The following PRORP variants were observed in gnomAD, a reference collection of about 807,000 sequenced individuals.
The protein encoded by PRORP is mitochondrial ribonuclease P catalytic subunit.
A neutral mutation model predicts 59.4 loss-of-function variants in PRORP; 51 were observed. The ratio of observed to expected loss-of-function variants is 0.86; its 90% confidence interval spans 0.69 to 1.08. The LOEUF (loss-of-function observed/expected upper bound fraction) is 1.08. PRORP is among the 50% of genes least tolerant of loss of function. The pLI, the probability that PRORP is intolerant of heterozygous loss-of-function variation, is 0.00. For synonymous variants in PRORP, 231 were observed against 245.6 expected, an observed-to-expected ratio of 0.94 and a Z score of 0.55; for missense variants, 646 against 690.3, an observed-to-expected ratio of 0.94 and a Z score of 0.72.
chr14:35,163,248 T>C (rs1333597273), intron 4 of PRORP, among the ~76,000 whole-genome samples: 2 of 152,146 alleles, frequency 1.3e-5, no homozygotes, highest in Non-Finnish European at 2.9e-5. Flanking sequence ...ATATACATTT[T>C]ATGTAATAAT....
At chr14:35,147,771 A>T (rs1279897653) in intron 4 of PRORP, among the ~76,000 whole-genome samples, 2 of 152,352 alleles carry the variant, frequency 1.3e-5, no homozygotes, top group East Asian at 1.9e-4. Context: ...TCAAAATTGG[A>T]GTCAATCCTC....
At chr14:35,127,174 G>A (rs950548480) in intron 3 of PRORP, among the ~76,000 whole-genome samples, 1 of 151,900 alleles carries the variant, frequency 6.6e-6, no homozygotes, top group Non-Finnish European at 1.5e-5. Flanking sequence ...GGCAGATCAC[G>A]AGGTCAGGAG....
chr14:35,123,412 C>A lies in PRORP; in HGVS notation c.167C>A (p.Thr56Asn). The change falls in exon 2 of 8, where the codon ACC becomes AAC. Residue 56 changes from threonine to asparagine, a missense_variant. Coordinates refer to ENST00000534898, the MANE Select transcript of PRORP (RefSeq NM_014672.4). ...FSLKTMSPQNTKATNLIAKAR... is the reference protein window; with the variant it reads ...FSLKTMSPQNNKATNLIAKAR... ...CTTAAAACAATGTCTCCACAGAATA[C>A]CAAAGCAACGAATCTGATTGCCAAG... 1 of 1,614,150 alleles carries A rather than the reference C, an allele frequency of 6.2e-7. No individual in the cohort carries two copies. Among genetic ancestry groups the A allele is most frequent in the Non-Finnish European group, 8.5e-7 (1 of 1,180,016 alleles).
At chr14:35,129,728 C>T (rs1383192660) in intron 4 of PRORP, among the ~76,000 whole-genome samples, 1 of 151,860 alleles carries the variant, frequency 6.6e-6, no homozygotes. Flanking sequence ...ATCTGCCTTC[C>T]TCAGCCTCCC....
At chr14:35,251,844 G>A (rs986734376) in intron 5 of PRORP, among the ~76,000 whole-genome samples, 7 of 151,700 alleles carry the variant, frequency 4.6e-5, no homozygotes, top group African/African-American at 1.5e-4. Context: ...ATGAGCCACC[G>A]CGCCTGGCTG....
intron 4 of PRORP, among the ~76,000 whole-genome samples, chr14:35,128,394 G>C (rs887285603): frequency 1.3e-5 from 2 of 149,552 alleles, no homozygotes; most frequent in Non-Finnish European, 3.0e-5. Flanking sequence ...TCTATTTTTT[G>C]GAATAGTTTG....
In PRORP at chr14:35,127,616, G is replaced by A. The variant is rs1416801167; in HGVS notation, c.1167+5G>A. The stretch of plus-strand genomic sequence containing the variant: ...TACAGAAAGACAACACCTCAGGTGA[G>A]TCTAACAAGTTTTATTTCTTCTTGG... On this transcript the variant is annotated splice_donor_5th_base_variant and intron_variant, in intron 4 of 7. Coordinates refer to ENST00000534898, the MANE Select transcript of PRORP (RefSeq NM_014672.4). 1 of 1,613,664 alleles carries A rather than the reference G, an allele frequency of 6.2e-7. No individual in the cohort carries two copies. Among genetic ancestry groups the A allele is most frequent in the South Asian group, 1.1e-5 (1 of 90,972 alleles).
At chr14:35,231,826 C>T (rs913838799) in intron 5 of PRORP, among the ~76,000 whole-genome samples, 7 of 152,124 alleles carry the variant, frequency 4.6e-5, no homozygotes, top group Non-Finnish European at 8.8e-5. Context: ...TAGGTTTATT[C>T]AATCTAAGGA....
At chr14:35,251,101 T>G (rs370350685) in intron 5 of PRORP, among the ~76,000 whole-genome samples, 1 of 152,242 alleles carries the variant, frequency 6.6e-6, no homozygotes, top group Non-Finnish European at 1.5e-5. Flanking sequence ...CTCCCACTTA[T>G]GAGTGAGAAC....
chr14:35,260,857 C>T (rs1419300121), intron 5 of PRORP, among the ~76,000 whole-genome samples: 2 of 152,176 alleles, frequency 1.3e-5, no homozygotes, highest in African/African-American at 4.8e-5. Context: ...TCTGAGTGCA[C>T]TCAATAAAGA....
intron 5 of PRORP, among the ~76,000 whole-genome samples, chr14:35,241,148 C>CG (rs974915592): frequency 2.0e-5 from 3 of 152,066 alleles, no homozygotes; most frequent in Admixed American, 6.6e-5. Context: ...GAGGCCAAGG[C>CG]GGGAGCATCA....
intron 5 of PRORP, chr14:35,235,267 G>A (rs1183009731): frequency 2.9e-6 from 2 of 697,978 alleles, no homozygotes; most frequent in South Asian, 1.4e-5. Context: ...TGCCTCCCTA[G>A]TGATGGCGGA....
At chr14:35,125,009 C>A (rs555507188) in intron 2 of PRORP, among the ~76,000 whole-genome samples, 2 of 151,434 alleles carry the variant, frequency 1.3e-5, no homozygotes, top group Non-Finnish European at 2.9e-5. Context: ...TACAGGCATG[C>A]GCCACCATGC....
chr14:35,150,107 A>G (rs1038275149), intron 4 of PRORP, among the ~76,000 whole-genome samples: 25 of 152,126 alleles, frequency 1.6e-4, no homozygotes, highest in African/African-American at 5.6e-4. Flanking sequence ...CGGCCTCCCA[A>G]AATGTTGGGA....
intron 5 of PRORP, among the ~76,000 whole-genome samples, chr14:35,213,290 G>C (rs2049497817): frequency 6.6e-6 from 1 of 152,004 alleles, no homozygotes; most frequent in African/African-American, 2.4e-5. Context: ...ACTTTTCCTG[G>C]TTGGGCACGG....
chr14:35,174,316 C>T (rs990607677), intron 4 of PRORP, among the ~76,000 whole-genome samples: 16 of 152,034 alleles, frequency 1.1e-4, no homozygotes, highest in African/African-American at 3.9e-4. Context: ...ATATTATTAT[C>T]TAGTAGTCCA....
intron 5 of PRORP, among the ~76,000 whole-genome samples, chr14:35,230,888 T>C (rs1402116908): frequency 1.1e-4 from 17 of 149,736 alleles, no homozygotes; most frequent in Non-Finnish European, 1.5e-4. Context: ...AAGATACTAC[T>C]GAGAAATGTT....
At chr14:35,178,079 CTA>C (rs1156441185) in intron 4 of PRORP, among the ~76,000 whole-genome samples, 1 of 152,164 alleles carries the variant, frequency 6.6e-6, no homozygotes, top group Non-Finnish European at 1.5e-5. Flanking sequence ...ATCCTGAGTT[CTA>C]GTTTGATTGC....
chr14:35,178,260 C>T (rs569434928), intron 4 of PRORP, among the ~76,000 whole-genome samples: 7 of 152,150 alleles, frequency 4.6e-5, no homozygotes, highest in South Asian at 2.1e-4. Context: ...CTATTAGGTC[C>T]GCTTGATGCC....
Sources: gnomAD v4.1 joint callset for allele counts (sites outside exome capture counted in the v4.1 genomes callset) on GRCh38, gnomAD v4.1.1 for gene constraint, MANE v1.5 for transcripts, NCBI Gene and HGNC (gene_info 2026-07-23, HGNC 2026-07-21) for gene names.